The following RABGAP1L variants were observed in gnomAD, a reference collection of about 807,000 sequenced individuals.
The protein encoded by RABGAP1L is RAB GTPase activating protein 1 like.
RABGAP1L carries 63 observed loss-of-function variants against 137.7 expected under a neutral mutation model. That is an observed-to-expected ratio of 0.46 (90% CI 0.37 to 0.56). The LOEUF is 0.56. Ranked by LOEUF, RABGAP1L falls within the 20% of genes least tolerant of loss-of-function variation. RABGAP1L has a pLI of 0.00. For synonymous variants in RABGAP1L, 431 were observed against 433.7 expected (o/e 0.99, Z 0.08); for missense variants, 1,095 against 1,244.0 (o/e 0.88, Z 1.80).
At chr1:174,975,864 G>T (rs1670600271) in intron 21 of RABGAP1L, among the ~76,000 whole-genome samples, 3 of 152,110 alleles carry the variant, frequency 2.0e-5, no homozygotes, top group Non-Finnish European at 4.4e-5. Flanking sequence ...AATTATTGTT[G>T]GTGTGTGGAT....
intron 11 of RABGAP1L, among the ~76,000 whole-genome samples, chr1:174,347,390 C>G (rs975160547): frequency 5.9e-5 from 9 of 151,466 alleles, no homozygotes; most frequent in African/African-American, 2.2e-4. Context: ...CTGGGTGCTC[C>G]AATGTTGGGT....
chr1:174,680,953 A>G (rs557631137), intron 14 of RABGAP1L, among the ~76,000 whole-genome samples: 1 of 152,316 alleles, frequency 6.6e-6, no homozygotes, highest in South Asian at 2.1e-4. Flanking sequence ...TCACAAAAGA[A>G]TATGTATCAA....
chr1:174,395,338 G>A (rs970438290), intron 13 of RABGAP1L, among the ~76,000 whole-genome samples: 2 of 152,042 alleles, frequency 1.3e-5, no homozygotes, highest in Non-Finnish European at 2.9e-5. Context: ...CTCATAAAAT[G>A]TGTGATTGGC....
At chr1:174,548,420 G>C in intron 13 of RABGAP1L, 1 of 968,822 alleles carries the variant, frequency 1.0e-6, no homozygotes, top group Non-Finnish European at 1.2e-6. Flanking sequence ...AAGAAACTCT[G>C]AACTTGCTTT....
Position 174,833,449 on chromosome 1 carries a change from G to GATATATATAT in RABGAP1L, c.2340+21499_2340+21508dup, listed in dbSNP as rs760181639. Among the ~76,000 whole-genome samples the GATATATATAT allele has an allele frequency of 1.0e-3, 28 of 27,850 alleles. 8 individuals are homozygous for GATATATATAT. Among genetic ancestry groups the GATATATATAT allele is most frequent in the Admixed American group, 4.2e-3 (7 of 1,682 alleles). The allele number at this position is 27,850 out of a possible 152,430, so 18.3% of individuals were successfully genotyped here. Reference sequence around the variant, plus strand: ...ATATATATATGTGTGTGTGTGTAGAGATATATATATATATATATAGTAGAG... The same window carrying GATATATATAT: ...ATATATATATGTGTGTGTGTGTAGAGATATATATATATATATATATATATATATAGTAGAG... On this transcript the variant is annotated intron_variant, in intron 19 of 25. Transcript: ENST00000681986.
intron 19 of RABGAP1L, among the ~76,000 whole-genome samples, chr1:174,906,652 T>A (rs1659139383): frequency 6.6e-6 from 1 of 151,558 alleles, no homozygotes; most frequent in Non-Finnish European, 1.5e-5. Context: ...AATATAATAA[T>A]AATAGTAATA....
intron 13 of RABGAP1L, among the ~76,000 whole-genome samples, chr1:174,425,171 A>G (rs1651808751): frequency 6.6e-6 from 1 of 152,060 alleles, no homozygotes; most frequent in Non-Finnish European, 1.5e-5. Flanking sequence ...TAACCAATAG[A>G]TAGTGTAGGA....
intron 14 of RABGAP1L, among the ~76,000 whole-genome samples, chr1:174,677,425 A>G (rs1477522687): frequency 2.0e-5 from 3 of 152,206 alleles, no homozygotes; most frequent in Non-Finnish European, 2.9e-5. Context: ...CTCTGTTACA[A>G]ATTACTGGAG....
At chr1:174,196,195 T>C (rs546892876) in intron 1 of RABGAP1L, among the ~76,000 whole-genome samples, 1 of 151,804 alleles carries the variant, frequency 6.6e-6, no homozygotes, top group East Asian at 1.9e-4. Context: ...CATATTTTTC[T>C]TTCCTCAGCA....
intron 1 of RABGAP1L, among the ~76,000 whole-genome samples, chr1:174,164,993 A>G (rs1411622633): frequency 6.6e-6 from 1 of 152,134 alleles, no homozygotes; most frequent in Non-Finnish European, 1.5e-5. Context: ...GGATTGTGTT[A>G]ATCAGTTTGA....
chr1:174,206,617 A>C (rs1322702748), intron 1 of RABGAP1L, among the ~76,000 whole-genome samples: 1 of 152,170 alleles, frequency 6.6e-6, no homozygotes. Flanking sequence ...ATTTTAGCTC[A>C]GGAGCCACTT....
chr1:174,519,906 G>A (rs1231843668), intron 13 of RABGAP1L, among the ~76,000 whole-genome samples: 1 of 152,190 alleles, frequency 6.6e-6, no homozygotes, highest in Non-Finnish European at 1.5e-5. Context: ...ATTCTTTACT[G>A]TGGTGAATAT....
chr1:174,177,006 G>T (rs1334992499), intron 1 of RABGAP1L, among the ~76,000 whole-genome samples: 1 of 152,116 alleles, frequency 6.6e-6, no homozygotes, highest in Non-Finnish European at 1.5e-5. Context: ...AACCCAGGAG[G>T]TCAAGGTTGC....
chr1:174,268,402 A>C (rs1213803071), intron 7 of RABGAP1L, among the ~76,000 whole-genome samples: 2 of 151,884 alleles, frequency 1.3e-5, no homozygotes, highest in East Asian at 1.9e-4. Flanking sequence ...CGGAGGTTTC[A>C]CCATGTTAGC....
At chr1:174,888,672 T>A (rs2149110580) in intron 19 of RABGAP1L, among the ~76,000 whole-genome samples, 1 of 152,096 alleles carries the variant, frequency 6.6e-6, no homozygotes, top group South Asian at 2.1e-4. Context: ...ATTTTTGTAT[T>A]TTTTTAGTAG....
intron 13 of RABGAP1L, among the ~76,000 whole-genome samples, chr1:174,627,882 G>A (rs1361717217): frequency 6.6e-6 from 1 of 152,102 alleles, no homozygotes; most frequent in Non-Finnish European, 1.5e-5. Flanking sequence ...CTTTGCCTAT[G>A]AGTTACATTC....
chr1:174,271,412 A>G (rs1490600766), intron 7 of RABGAP1L, among the ~76,000 whole-genome samples: 1 of 152,078 alleles, frequency 6.6e-6, no homozygotes, highest in Non-Finnish European at 1.5e-5. Flanking sequence ...ACTATTTTGA[A>G]ATTGAAAAAA....
chr1:174,259,668 T>G (rs1225209343), intron 7 of RABGAP1L, among the ~76,000 whole-genome samples: 1 of 152,224 alleles, frequency 6.6e-6, no homozygotes, highest in East Asian at 1.9e-4. Context: ...CTTTTAATAT[T>G]CTTTTCCTTT....
intron 12 of RABGAP1L, among the ~76,000 whole-genome samples, chr1:174,382,841 G>A (rs1256716639): frequency 5.9e-5 from 9 of 152,002 alleles, no homozygotes; most frequent in Non-Finnish European, 1.2e-4. Context: ...GAGGAACTGC[G>A]TTCCTTTGGA....
Sources: allele counts gnomAD v4.1 joint callset (sites outside exome capture counted in the v4.1 genomes callset), GRCh38; gene constraint gnomAD v4.1.1; transcripts MANE v1.5; gene names NCBI Gene and HGNC (gene_info 2026-07-23, HGNC 2026-07-21).